The following NOL4L variants were observed in gnomAD, a reference collection of about 807,000 sequenced individuals.
NOL4L encodes the protein nucleolar protein 4-like.
Under a neutral mutation model 64.5 loss-of-function variants are expected in NOL4L, and 7 were observed. The observed-to-expected ratio is 0.11, with a 90% CI of 0.06 to 0.20. NOL4L has a LOEUF of 0.20. NOL4L is among the 10% of genes least tolerant of loss of function. The probability of loss-of-function intolerance (pLI) is 1.00; values close to 1 mark genes in which losing one functional copy is unlikely to be tolerated. For missense variants in NOL4L, 680 were observed against 967.1 expected, an observed-to-expected ratio of 0.70 and a Z score of 3.94; for synonymous variants, 413 against 401.0, an observed-to-expected ratio of 1.03 and a Z score of -0.36.
chr20:32,509,011 C>T (rs2017259521), intron 4 of NOL4L, among the ~76,000 whole-genome samples: 1 of 152,190 alleles, frequency 6.6e-6, no homozygotes, highest in Admixed American at 6.5e-5. Context: ...GAACTCTCTT[C>T]CCCTCAGATT....
At chr20:32,465,980 CTTT>C (rs34290597) in intron 5 of NOL4L, among the ~76,000 whole-genome samples, 2 of 129,110 alleles carry the variant, frequency 1.5e-5, no homozygotes, top group Admixed American at 7.7e-5. Context: ...CACCTCCATT[CTTT>C]TTTTTTTTTT....
chr20:32,462,257 T>C (rs577425058), intron 5 of NOL4L, among the ~76,000 whole-genome samples: 2 of 152,324 alleles, frequency 1.3e-5, no homozygotes, highest in East Asian at 3.9e-4. Flanking sequence ...AATTTCCTTA[T>C]TGGTTAGGCC....
At chr20:32,475,156 C>CAA in intron 4 of NOL4L, 1 of 985,476 alleles carries the variant, frequency 1.0e-6, no homozygotes, top group Non-Finnish European at 1.2e-6. Context: ...AGCACATGCC[C>CAA]GCCACCAGGC....
intron 1 of NOL4L, chr20:32,536,220 A>T (rs975236521): frequency 3.2e-5 from 32 of 985,484 alleles, no homozygotes; most frequent in Admixed American, 1.2e-4. Context: ...AGCCTAGGAC[A>T]GGGAATCGGG....
At chr20:32,465,037 T>C (rs1357951912) in intron 5 of NOL4L, 2 of 636,686 alleles carry the variant, frequency 3.1e-6, no homozygotes, top group East Asian at 3.2e-5. Context: ...GCAGAGACCC[T>C]GGGGTTCCTG....
intron 4 of NOL4L, among the ~76,000 whole-genome samples, chr20:32,501,589 A>C (rs1047264072): frequency 6.6e-6 from 1 of 152,238 alleles, no homozygotes; most frequent in African/African-American, 2.4e-5. Context: ...ATAATACGGG[A>C]AACTGTGTGT....
chr20:32,492,391 T>G (rs1036344768), intron 4 of NOL4L, among the ~76,000 whole-genome samples: 2 of 152,210 alleles, frequency 1.3e-5, no homozygotes, highest in African/African-American at 4.8e-5. Context: ...CTCCTAGAAG[T>G]CAGGTCAGTG....
intron 1 of NOL4L, among the ~76,000 whole-genome samples, chr20:32,543,766 G>A (rs1401899462): frequency 1.3e-5 from 2 of 152,060 alleles, no homozygotes; most frequent in African/African-American, 4.8e-5. Flanking sequence ...CTCCAGCCTG[G>A]ATGACAGAGG....
chr20:32,547,182 CTT>C (rs1422705157), intron 1 of NOL4L, among the ~76,000 whole-genome samples: 5 of 152,202 alleles, frequency 3.3e-5, no homozygotes, highest in African/African-American at 1.2e-4. Flanking sequence ...GGACAACTCT[CTT>C]TTATGGGGGA....
chr20:32,484,097 C>T (rs1411419474), intron 4 of NOL4L, among the ~76,000 whole-genome samples: 1 of 152,026 alleles, frequency 6.6e-6, no homozygotes, highest in Non-Finnish European at 1.5e-5. Flanking sequence ...GAGAGGGAGA[C>T]TTGGCCCAAA....
intron 1 of NOL4L, among the ~76,000 whole-genome samples, chr20:32,578,115 G>GGAAA: frequency 1.1e-5 from 1 of 92,786 alleles, no homozygotes; most frequent in Non-Finnish European, 2.0e-5. Flanking sequence ...GAGAAAGGAA[G>GGAAA]GAAGGAAGGA....
At chr20:32,487,992 C>T (rs1289826751) in intron 4 of NOL4L, among the ~76,000 whole-genome samples, 1 of 151,368 alleles carries the variant, frequency 6.6e-6, no homozygotes, top group Non-Finnish European at 1.5e-5. Context: ...TGCAGTGGCA[C>T]GATCTGGGCT....
chr20:32,457,077 T>C (rs2013608066), intron 5 of NOL4L, among the ~76,000 whole-genome samples: 1 of 152,170 alleles, frequency 6.6e-6, no homozygotes, highest in African/African-American at 2.4e-5. Context: ...GGCCCCCGAG[T>C]GGGCCTGCCC....
At chr20:32,560,327 G>A (rs1056809121) in intron 1 of NOL4L, among the ~76,000 whole-genome samples, 5 of 152,198 alleles carry the variant, frequency 3.3e-5, no homozygotes, top group Non-Finnish European at 7.3e-5. Context: ...GGAGGGGAGC[G>A]TGTCAAGGGA....
At chr20:32,532,376 G>A in intron 1 of NOL4L, 1 of 985,404 alleles carries the variant, frequency 1.0e-6, no homozygotes, top group East Asian at 1.1e-4. Flanking sequence ...ACACCCTAGG[G>A]GAAGAACGCC....
chr20:32,463,052 GCCT>G lies in NOL4L; in HGVS notation c.842-6660_842-6658del, dbSNP rs931355218. Among the ~76,000 whole-genome samples, 10 of 152,130 alleles carry G rather than the reference GCCT, an allele frequency of 6.6e-5. No homozygotes were observed. The highest frequency in any genetic ancestry group is 2.2e-4 in the African/African-American group (9 of 41,404). ...GACCTTGGGCACTGCCACCTCCTGG[GCCT>G]CCTCTTATCTACAGTCCTGGGAGTT... On this transcript the variant is annotated intron_variant, in intron 5 of 10. Transcript: ENST00000621426. This position sits in a 1 kb window ranked among gnomAD's most constrained non-coding sequence, Gnocchi z 5.8.
chr20:32,537,320 C>A lies in NOL4L; in HGVS notation c.322-9407G>T, dbSNP rs556296453. Among the ~76,000 whole-genome samples the A allele has an allele frequency of 7.4e-4, 112 of 152,308 alleles. 1 individual carries two copies. The highest frequency in any genetic ancestry group is 1.2e-3 in the Non-Finnish European group (82 of 68,036). ...TTAACAACCAAGATACTGCGCCTCCCACCGCGTCCACATCCACATCTGCTG... is the reference window on the plus strand; with the variant it reads ...TTAACAACCAAGATACTGCGCCTCCAACCGCGTCCACATCCACATCTGCTG... On this transcript the variant is annotated intron_variant, in intron 1 of 10. Transcript: ENST00000621426.
intron 4 of NOL4L, among the ~76,000 whole-genome samples, chr20:32,476,260 G>C (rs1023809881): frequency 6.6e-6 from 1 of 150,712 alleles, no homozygotes; most frequent in Admixed American, 6.6e-5. Context: ...TGCACAAAGG[G>C]TACAAAGGGA....
intron 2 of NOL4L, among the ~76,000 whole-genome samples, chr20:32,522,296 C>T (rs1282223825): frequency 6.6e-6 from 1 of 152,252 alleles, no homozygotes; most frequent in African/African-American, 2.4e-5. Flanking sequence ...GTGGAGCAGG[C>T]AGGCTCCTTG....
Sources: gnomAD v4.1 joint callset for allele counts (sites outside exome capture counted in the v4.1 genomes callset) on GRCh38, gnomAD v4.1.1 for gene constraint, Gnocchi (gnomAD v3.1) non-coding constraint, MANE v1.5 for transcripts, NCBI Gene and HGNC (gene_info 2026-07-23, HGNC 2026-07-21) for gene names.